Variants in APOH observed in about 807,000 individuals in gnomAD.
APOH encodes the protein beta-2-glycoprotein 1.
Under a neutral mutation model 39.8 loss-of-function variants are expected in APOH, and 48 were observed. That is an observed-to-expected ratio of 1.21 (90% CI 0.96 to 1.54). The LOEUF is 1.54. Among genes scored for constraint, APOH ranks in the 40% most tolerant of loss-of-function variants. The pLI is 0.00. For missense variants in APOH, 415 were observed against 421.2 expected (o/e 0.99, Z 0.13); for synonymous variants, 153 against 151.1 (o/e 1.01, Z -0.09).
intron 4 of APOH, among the ~76,000 whole-genome samples, chr17:66,221,481 A>G (rs2073402727): frequency 6.6e-6 from 1 of 151,852 alleles, no homozygotes; most frequent in African/African-American, 2.4e-5. Flanking sequence ...AAATGAAGGA[A>G]ATTTAAGTCT....
chr17:66,221,215 G>GAAAT (rs756081043), intron 4 of APOH, among the ~76,000 whole-genome samples: 258 of 130,254 alleles, frequency 2.0e-3, no homozygotes, highest in African/African-American at 5.4e-3. Flanking sequence ...AAGAAGGAAG[G>GAAAT]AAATAAATAA....
intron 4 of APOH, 121 bp downstream of exon 4, chr17:66,223,577 C>T (rs2073415855): frequency 1.9e-5 from 16 of 849,822 alleles, no homozygotes; most frequent in Non-Finnish European, 2.7e-5. Flanking sequence ...GAATATCCCC[C>T]ACAAGGGTGA....
intron 5 of APOH, among the ~76,000 whole-genome samples, chr17:66,219,584 G>T (rs1002656507): frequency 1.3e-5 from 2 of 152,110 alleles, no homozygotes; most frequent in Admixed American, 6.5e-5. Context: ...TCGTTCACTG[G>T]ATATCTGTAA....
At chr17:66,215,747 A>G (rs894941510) in intron 6 of APOH, among the ~76,000 whole-genome samples, 2 of 152,202 alleles carry the variant, frequency 1.3e-5, no homozygotes, top group Middle Eastern at 3.2e-3. Flanking sequence ...TCTCCAGGAA[A>G]GATGCCAGTT....
chr17:66,214,925 A>G (rs2073355758), intron 6 of APOH, among the ~76,000 whole-genome samples: 3 of 18,498 alleles, frequency 1.6e-4, no homozygotes, highest in Admixed American at 5.6e-4. Context: ...ATTTCAGTGA[A>G]AAAAAAAAAA....
intron 6 of APOH, 92 bp from the exon 7 acceptor site, chr17:66,214,742 C>T: frequency 1.8e-6 from 2 of 1,114,416 alleles, no homozygotes; most frequent in South Asian, 1.4e-5. Flanking sequence ...ATGAGTACAC[C>T]TACACAAATT....
At chr17:66,212,758 G>GA (rs1293205510) in intron 7 of APOH, among the ~76,000 whole-genome samples, 4 of 152,078 alleles carry the variant, frequency 2.6e-5, no homozygotes, top group Non-Finnish European at 5.9e-5. Flanking sequence ...GATTAAAGGG[G>GA]AAAAAACAGT....
At chr17:66,220,879 C>G in intron 4 of APOH, 137 bp from the exon 5 acceptor site, 1 of 930,002 alleles carries the variant, frequency 1.1e-6, no homozygotes, top group Non-Finnish European at 1.6e-6. Context: ...TAAAAATTGT[C>G]AATTGTGGAT....
chr17:66,229,381 G>A lies in APOH; in HGVS notation c.-2C>T, dbSNP rs769569143. 1.2e-6 allele frequency: 2 copies of A among 1,613,466 alleles called. No homozygotes were observed. Among genetic ancestry groups the A allele is most frequent in the Non-Finnish European group, 8.5e-7 (1 of 1,179,556 alleles). On this transcript the variant is annotated 5_prime_UTR_variant, in exon 1 of 8. Coordinates refer to ENST00000205948, the MANE Select transcript of APOH (RefSeq NM_000042.3). ...CAAGATGAGCACTGGAGAAATCATT[G>A]TGGATGAGTCACACTGGCACTACCA... is the stretch of plus-strand genomic sequence containing the variant.
chr17:66,221,616 A>G (rs1158476545), intron 4 of APOH, among the ~76,000 whole-genome samples: 1 of 152,172 alleles, frequency 6.6e-6, no homozygotes, highest in East Asian at 1.9e-4. Context: ...ATCCTGAAAT[A>G]ATGGCTGGTG....
At chr17:66,220,926 C>T (rs1223670452) in intron 4 of APOH, among the ~76,000 whole-genome samples, 184 bp from the exon 5 acceptor site, 2 of 152,046 alleles carry the variant, frequency 1.3e-5, no homozygotes, top group Non-Finnish European at 2.9e-5. Flanking sequence ...GGCACGGTGG[C>T]TCACGCCTGT....
chr17:66,224,339 C>T (rs972967940), intron 3 of APOH, among the ~76,000 whole-genome samples: 1 of 151,426 alleles, frequency 6.6e-6, no homozygotes, highest in African/African-American at 2.4e-5. Context: ...TAGTGTGTGC[C>T]TATAGTCCAA....
intron 6 of APOH, among the ~76,000 whole-genome samples, chr17:66,216,490 A>T (rs1052217709): frequency 2.0e-5 from 3 of 152,070 alleles, no homozygotes; most frequent in African/African-American, 7.2e-5. Context: ...TCTCAAAAAA[A>T]AAAAAAAAGA....
rs573042292 is a variant in APOH at position 66,215,094 on chromosome 17, C to T, written c.785-444G>A. Among the ~76,000 whole-genome samples, 74 of 152,288 alleles carry T rather than the reference C, an allele frequency of 4.9e-4. 1 individual carries two copies. In the Middle Eastern group the frequency reaches 0.01, roughly 21 times the overall value. Reference sequence around the variant, plus strand: ...ATTGCCTTCAGCCATAGGGAAGCCACCTCTCCCAGGAGTTTATGCAAACCA... The same window carrying T: ...ATTGCCTTCAGCCATAGGGAAGCCATCTCTCCCAGGAGTTTATGCAAACCA... On this transcript the variant is annotated intron_variant, in intron 6 of 7. Coordinates refer to ENST00000205948, the MANE Select transcript of APOH (RefSeq NM_000042.3).
chr17:66,221,013 T>C (rs2073395651), intron 4 of APOH, among the ~76,000 whole-genome samples: 1 of 151,774 alleles, frequency 6.6e-6, no homozygotes, highest in South Asian at 2.1e-4. Flanking sequence ...GTCAACATGG[T>C]GAAACCCCGT....
rs2146995054 is a variant in APOH at position 66,220,697 on chromosome 17, CGAA to C, written c.458_460del (p.Leu153del). 1 of 1,613,616 alleles carries C rather than the reference CGAA, an allele frequency of 6.2e-7. No homozygotes were observed. The highest frequency in any genetic ancestry group is 2.2e-5 in the East Asian group (1 of 44,860). On this transcript the variant is annotated inframe_deletion, in exon 5 of 8. Coordinates refer to ENST00000205948, the MANE Select transcript of APOH (RefSeq NM_000042.3). The stretch of plus-strand genomic sequence containing the variant: ...GTTTCCAGCTGATGGCTTATAAACA[CGAA>C]GTGTTGCAAACGTAGGTATGGATGG...
intron 4 of APOH, among the ~76,000 whole-genome samples, chr17:66,222,884 G>C (rs2073411121): frequency 1.3e-5 from 2 of 152,012 alleles, no homozygotes; most frequent in Non-Finnish European, 2.9e-5. Flanking sequence ...TCTTGCTTTT[G>C]CTAAAGACAG....
intron 7 of APOH, 133 bp downstream of exon 7, chr17:66,214,320 A>G (rs1300752781): frequency 6.1e-6 from 5 of 823,354 alleles, no homozygotes; most frequent in Admixed American, 2.6e-5. Context: ...CAGCCTCCCA[A>G]AGTGCTGGGA....
intron 4 of APOH, among the ~76,000 whole-genome samples, chr17:66,222,513 T>C (rs1471466264): frequency 6.6e-6 from 1 of 152,218 alleles, no homozygotes; most frequent in East Asian, 1.9e-4. Flanking sequence ...CGTTTTTGCT[T>C]GTTCAGGTCT....
Sources: allele counts gnomAD v4.1 joint callset (sites outside exome capture counted in the v4.1 genomes callset), GRCh38; gene constraint gnomAD v4.1.1; transcripts MANE v1.5; gene names NCBI Gene and HGNC (gene_info 2026-07-23, HGNC 2026-07-21).